Variants in KATNB1 observed in about 807,000 individuals in gnomAD.
KATNB1 encodes katanin p80 WD40 repeat-containing subunit B1.
In KATNB1, 38 loss-of-function variants were observed where a neutral mutation model predicts 82.3. The observed-to-expected ratio is 0.46, with a 90% CI of 0.36 to 0.61. The LOEUF (loss-of-function observed/expected upper bound fraction) is 0.61, where lower values mean the gene tolerates loss of function less well. Ranked by LOEUF, KATNB1 falls within the 20% of genes least tolerant of loss-of-function variation. The probability of loss-of-function intolerance (pLI) is 0.00; values close to 1 mark genes in which losing one functional copy is unlikely to be tolerated. For synonymous variants in KATNB1, 361 were observed against 368.7 expected, an observed-to-expected ratio of 0.98 and a Z score of 0.24; for missense variants, 749 against 915.7, an observed-to-expected ratio of 0.82 and a Z score of 2.35.
At position 57,737,231 on chromosome 16, in the gene KATNB1, A is replaced by T. The variant is rs1287290283; in HGVS notation, c.-13A>T. On this transcript the variant is annotated 5_prime_UTR_variant, in exon 2 of 20. Coordinates refer to ENST00000379661, the MANE Select transcript of KATNB1 (RefSeq NM_005886.3). ...TTTTGTGGGTGGGGCTTCAGGTGCC[A>T]GCCAGCTGAAGGATGGCCACCCCTG... 2 of 1,614,040 alleles carry T rather than the reference A, an allele frequency of 1.2e-6. No homozygotes were observed. The highest frequency in any genetic ancestry group is 1.7e-6 in the Non-Finnish European group (2 of 1,180,038).
intron 2 of KATNB1, among the ~76,000 whole-genome samples, chr16:57,738,051 C>A (rs1255374069): frequency 1.3e-5 from 2 of 152,130 alleles, no homozygotes; most frequent in Non-Finnish European, 2.9e-5. Flanking sequence ...TGTGAAAATC[C>A]TTTTGTCTTC....
In KATNB1 at chr16:57,748,468, T is replaced by A. The variant is rs1333684434; in HGVS notation, c.290-2359T>A. On this transcript the variant is annotated intron_variant, in intron 4 of 19. Transcript: ENST00000379661. ...AAAGGAGACCCCATCTCTATTTTTT[T>A]AAAAAAAAAAAAAAAAAGGAGAGAG... Among the ~76,000 whole-genome samples, 32 of 134,488 alleles carry A rather than the reference T, an allele frequency of 2.4e-4. No homozygotes were observed. In the East Asian group the frequency reaches 4.1e-3, roughly 17 times the overall value. 88.2% of individuals were successfully genotyped at this position (134,488 alleles called of 152,430 possible). A position where few individuals can be genotyped will look rare whatever the true frequency, so the allele number is the denominator to read the frequency against.
intron 13 of KATNB1, among the ~76,000 whole-genome samples, 171 bp downstream of exon 13, chr16:57,754,166 C>T (rs1354729770): frequency 6.6e-6 from 1 of 152,156 alleles, no homozygotes; most frequent in Non-Finnish European, 1.5e-5. Flanking sequence ...TGCCAGGTCC[C>T]TGCAAGACCG....
In KATNB1 at chr16:57,751,123, G is replaced by GT. The variant is rs376179535; in HGVS notation, c.391-135dup. 331 of 903,036 alleles carry GT rather than the reference G, an allele frequency of 3.7e-4. 1 individual carries two copies. In the African/African-American group the frequency reaches 4.7e-3, roughly 13 times the overall value. The allele number at this position is 903,036 out of a possible 1,614,324, so 55.9% of individuals were successfully genotyped here. A position where few individuals can be genotyped will look rare whatever the true frequency, so the allele number is the denominator to read the frequency against. On this transcript the variant is annotated intron_variant, in intron 5 of 19. Transcript: ENST00000379661. This position sits in a 1 kb window ranked among gnomAD's most constrained non-coding sequence, Gnocchi z 6.3. ...CTCAGAATGCCAGCTTTAGTGAGCA[G>GT]TTTCTGTCCTTGTCTCCGTGGGGAG...
At chr16:57,748,250 G>GC (rs550665045) in intron 4 of KATNB1, among the ~76,000 whole-genome samples, 2 of 152,004 alleles carry the variant, frequency 1.3e-5, no homozygotes, top group Non-Finnish European at 2.9e-5. Flanking sequence ...AAGACCTCCG[G>GC]CCCCCCTCCA....
At chr16:57,750,986 C>T in intron 5 of KATNB1, 59 bp downstream of exon 5, 2 of 1,411,426 alleles carry the variant, frequency 1.4e-6, no homozygotes, top group South Asian at 1.1e-5. Flanking sequence ...ACCAGCCCGG[C>T]CCGGCCCTCA....
In KATNB1 at chr16:57,752,960, C is replaced by T. The variant is rs781881812; in HGVS notation, c.855+32C>T. 4.4e-6 allele frequency: 7 copies of T among 1,598,234 alleles called. No individual in the cohort carries two copies. In the Admixed American group the frequency reaches 5.0e-5, roughly 11 times the overall value. ...GAGCCATGGCACCCACCGCCCCCCA[C>T]TCCCACAGGGCCACCCGCCTCCCTC... On this transcript the variant is annotated intron_variant, in intron 10 of 19. Transcript: ENST00000379661.
chr16:57,740,157 G>A (rs559568532), intron 2 of KATNB1, among the ~76,000 whole-genome samples: 54 of 152,260 alleles, frequency 3.5e-4, no homozygotes, highest in African/African-American at 1.2e-3. Context: ...GGCTCTCATC[G>A]AGACGGGACT....
chr16:57,738,136 C>T (rs1458665767), intron 2 of KATNB1, among the ~76,000 whole-genome samples: 1 of 152,220 alleles, frequency 6.6e-6, no homozygotes, highest in Non-Finnish European at 1.5e-5. Context: ...TACACATTGG[C>T]ACCTTGGTGG....
At position 57,755,104 on chromosome 16, in the gene KATNB1, GT is replaced by G. The variant is rs782207900; in HGVS notation, c.1297-12del. 1.9e-6 allele frequency: 3 copies of G among 1,613,040 alleles called. No individual in the cohort carries two copies. The South Asian group carries it at 3.3e-5, about 18-fold the overall frequency. ...GAGGCCCCAGGCCGGCAACCGCTGA[GT>G]TTCACACTTTCAGCTGGAGGTCCTG... On this transcript the variant is annotated splice_polypyrimidine_tract_variant and intron_variant, in intron 14 of 19. Transcript: ENST00000379661.
chr16:57,752,378 C>T, intron 8 of KATNB1, 152 bp from the exon 9 acceptor site: 1 of 742,678 alleles, frequency 1.3e-6, no homozygotes. Context: ...CGAGCCTCCC[C>T]CTTGCAAAGT....
At chr16:57,750,332 G>A (rs74974760) in intron 4 of KATNB1, among the ~76,000 whole-genome samples, 11,831 of 152,248 alleles carry the variant, frequency 0.078, 823 homozygotes, top group East Asian at 0.17. Flanking sequence ...AGAGAAATGT[G>A]GGAAAATTAG....
At chr16:57,756,193 G>C in intron 18 of KATNB1, 127 bp downstream of exon 18, 1 of 1,209,904 alleles carries the variant, frequency 8.3e-7, no homozygotes, top group African/African-American at 1.5e-5. Flanking sequence ...AAGCATTGCT[G>C]CCCCTCAACA....
rs541991992 is a variant in KATNB1, at chr16:57,740,725, C to G, written c.41-962C>G. 1.0e-3 allele frequency among the ~76,000 whole-genome samples: 155 copies of G among 152,334 alleles called. 1 individual carries two copies. Among genetic ancestry groups the G allele is most frequent in the African/African-American group, 3.5e-3 (144 of 41,580 alleles). On this transcript the variant is annotated intron_variant, in intron 2 of 19. Transcript: ENST00000379661. ...GTCCTCCGAGGCTCCTGTCTGCCAT[C>G]TCCACGGACCAGGCCAGGGCCTTGG...
Position 57,738,115 on chromosome 16 carries a change from G to A in KATNB1, c.40+832G>A, listed in dbSNP as rs183406658. On this transcript the variant is annotated intron_variant, in intron 2 of 19. Coordinates refer to ENST00000379661, the MANE Select transcript of KATNB1 (RefSeq NM_005886.3). Reference sequence around the variant, plus strand: ...CCCAAGCATCCCCAGATCATATTTTGAGAATTCCCCTACACATTGGCACCT... The same window carrying A: ...CCCAAGCATCCCCAGATCATATTTTAAGAATTCCCCTACACATTGGCACCT... Among the ~76,000 whole-genome samples, 377 of 152,298 alleles carry A rather than the reference G, an allele frequency of 2.5e-3. 9 individuals carry two copies. In the South Asian group the frequency reaches 0.038, roughly 15 times the overall value.
rs2049267406 is a variant in KATNB1, at chr16:57,755,328, G to A, written c.1417-17G>A. 1 of 1,612,646 alleles carries A rather than the reference G, an allele frequency of 6.2e-7. No individual in the cohort carries two copies. The highest frequency in any genetic ancestry group is 8.5e-7 in the Non-Finnish European group (1 of 1,179,840). On this transcript the variant is annotated splice_polypyrimidine_tract_variant and intron_variant, in intron 15 of 19. Coordinates refer to ENST00000379661, the MANE Select transcript of KATNB1 (RefSeq NM_005886.3). ...TGGCTCCTCCCATGCCAGCATCTGG[G>A]TGTCCATCCCACGCAGGCCGTGAAG...
intron 18 of KATNB1, 116 bp from the exon 19 acceptor site, chr16:57,756,240 G>A: frequency 4.5e-6 from 5 of 1,104,556 alleles, no homozygotes; most frequent in South Asian, 1.3e-5. Flanking sequence ...GTGTGTGGGT[G>A]TATGTGTGGG....
At chr16:57,752,119 CGT>C in intron 8 of KATNB1, 64 bp downstream of exon 8, 1 of 1,004,750 alleles carries the variant, frequency 1.0e-6, no homozygotes, top group Non-Finnish European at 1.5e-6. Flanking sequence ...GTCCTCTGTG[CGT>C]GTCTCTACTG....
At position 57,751,246 on chromosome 16, in the gene KATNB1, C is replaced by G; in HGVS notation, c.391-15C>G. On this transcript the variant is annotated splice_polypyrimidine_tract_variant and intron_variant, in intron 5 of 19. Coordinates refer to ENST00000379661, the MANE Select transcript of KATNB1 (RefSeq NM_005886.3). The surrounding 1 kb of genome is among the most constrained non-coding windows in gnomAD (Gnocchi z 6.3). ...CTCTCCTGACTCTGCCCCTCTGCTT[C>G]TCTCTCCCCCACAGCTCTGGGACAT... 6.2e-7 allele frequency: 1 copy of G among 1,613,582 alleles called. No homozygotes were observed. The highest frequency in any genetic ancestry group is 8.5e-7 in the Non-Finnish European group (1 of 1,179,542).
Sources: gnomAD v4.1 joint callset for allele counts (sites outside exome capture counted in the v4.1 genomes callset) on GRCh38, gnomAD v4.1.1 for gene constraint, Gnocchi (gnomAD v3.1) non-coding constraint, MANE v1.5 for transcripts, NCBI Gene and HGNC (gene_info 2026-07-23, HGNC 2026-07-21) for gene names.